Variants in TH observed in about 807,000 individuals in gnomAD.
TH encodes tyrosine hydroxylase.
In TH, 49 loss-of-function variants were observed where a neutral mutation model predicts 57.4. The ratio of observed to expected loss-of-function variants is 0.85; its 90% CI spans 0.68 to 1.08. The LOEUF (loss-of-function observed/expected upper bound fraction) is 1.08, where lower values mean the gene tolerates loss of function less well. TH is among the 50% of genes least tolerant of loss of function. The pLI is 0.00. For synonymous variants in TH, 330 were observed against 304.5 expected, an observed-to-expected ratio of 1.08 and a Z score of -0.87; for missense variants, 720 against 696.7, an observed-to-expected ratio of 1.03 and a Z score of -0.38.
At chr11:2,165,142 C>T in intron 12 of TH, 90 bp downstream of exon 12, 2 of 1,598,010 alleles carry the variant, frequency 1.3e-6, no homozygotes, top group Non-Finnish European at 1.7e-6. Flanking sequence ...CCTGGGCTCA[C>T]AGGTCCAGCC....
At chr11:2,168,291 G>T in intron 3 of TH, 112 bp from the exon 4 acceptor site, 2 of 1,367,874 alleles carry the variant, frequency 1.5e-6, no homozygotes, top group African/African-American at 1.4e-5. Flanking sequence ...GGCAGCCGGG[G>T]CTGTGAGAGC....
At position 2,171,535 on chromosome 11, in the gene TH, GA is replaced by G. The variant is rs1846258168; in HGVS notation, c.90+161del. 4.2e-6 allele frequency: 3 copies of G among 714,530 alleles called. No individual in the cohort carries two copies. Among genetic ancestry groups the G allele is most frequent in the South Asian group, 3.3e-5 (2 of 59,884 alleles). 44.3% of individuals were successfully genotyped at this position (714,530 alleles called of 1,614,324 possible). A position where few individuals can be genotyped will look rare whatever the true frequency, so the allele number is the denominator to read the frequency against. ...AGGGACTCAAACACCAGGCACAGGGGATGCCGCTGTGCCCAGGCCTCCACAT... is the reference window on the plus strand; with the variant it reads ...AGGGACTCAAACACCAGGCACAGGGGTGCCGCTGTGCCCAGGCCTCCACAT... On this transcript the variant is annotated intron_variant, in intron 1 of 12. Coordinates refer to ENST00000352909, the MANE Select transcript of TH (RefSeq NM_000360.4). The surrounding 1 kb of genome is among the most constrained non-coding windows in gnomAD (Gnocchi z 8.6).
chr11:2,165,924 C>G, intron 10 of TH, 78 bp downstream of exon 10: 3 of 1,527,534 alleles, frequency 2.0e-6, no homozygotes, highest in Non-Finnish European at 2.7e-6. Context: ...AGGCCTCAGC[C>G]TGGACGGCAA....
Position 2,171,007 on chromosome 11 carries a change from C to T in TH, c.90+690G>A, listed in dbSNP as rs182361352. 1.7e-4 allele frequency among the ~76,000 whole-genome samples: 26 copies of T among 152,204 alleles called. No individual in the cohort carries two copies. The highest frequency in any genetic ancestry group is 1.2e-3 in the East Asian group (6 of 5,182). On this transcript the variant is annotated intron_variant, in intron 1 of 12. Transcript: ENST00000352909. This position sits in a 1 kb window ranked among gnomAD's most constrained non-coding sequence, Gnocchi z 8.6. ...CCCCTCCTGTGGGCTGAAAAGCTCC[C>T]GATTATCCAGCCTGGCCCACACAGT...
intron 11 of TH, 97 bp from the exon 12 acceptor site, chr11:2,165,462 G>C: frequency 6.4e-7 from 1 of 1,559,810 alleles, no homozygotes; most frequent in Non-Finnish European, 8.7e-7. Context: ...TCCTTGGGTA[G>C]AGTCACCCCC....
In TH at chr11:2,169,762, G is replaced by A. The variant is rs752445432; in HGVS notation, c.200C>T (p.Pro67Leu). The A allele has an allele frequency of 3.1e-6, 5 of 1,612,152 alleles. No individual in the cohort carries two copies. In the Admixed American group the frequency reaches 8.3e-5, roughly 27 times the overall value. ...AAAVPSEPGDPLEAVAFEEKE... is the reference protein window; with the variant it reads ...AAAVPSEPGDLLEAVAFEEKE... The stretch of plus-strand genomic sequence containing the variant: ...CTCCTCAAAGGCCACAGCCTCCAGG[G>A]GGTCCCCGGGCTCCGAGGGGACTGC... The change falls in exon 2 of 13, where the codon CCC becomes CTC. Residue 67 changes from proline to leucine, a missense_variant. By Grantham distance (98) the Pro-to-Leu change is moderately conservative (BLOSUM62 -3). Transcript: ENST00000352909.
At position 2,171,605 on chromosome 11, in the gene TH, C is replaced by T. The variant is rs980685116; in HGVS notation, c.90+92G>A. 38 of 1,420,374 alleles carry T rather than the reference C, an allele frequency of 2.7e-5. No homozygotes were observed. The Middle Eastern group carries it at 1.7e-3, about 63-fold the overall frequency. 88.0% of individuals were successfully genotyped at this position (1,420,374 alleles called of 1,614,324 possible). A position where few individuals can be genotyped will look rare whatever the true frequency, so the allele number is the denominator to read the frequency against. ...GTTTGCATGGACCCTGAGCCTGGGG[C>T]TGCCAGCCAGGCTGGGGAGTAGCAG... On this transcript the variant is annotated intron_variant, in intron 1 of 12. Transcript: ENST00000352909. This position sits in a 1 kb window ranked among gnomAD's most constrained non-coding sequence, Gnocchi z 8.6.
chr11:2,165,642 G>A, intron 11 of TH, 26 bp downstream of exon 11: 1 of 1,610,316 alleles, frequency 6.2e-7, no homozygotes, highest in Non-Finnish European at 8.5e-7. Context: ...CCTCTGCTGG[G>A]GGCTGCAGCA....
At chr11:2,168,740 G>GGA in intron 2 of TH, 75 bp from the exon 3 acceptor site, 2 of 448,222 alleles carry the variant, frequency 4.5e-6, no homozygotes, top group South Asian at 1.6e-5. Flanking sequence ...GGGTGGGCGG[G>GGA]GAGGAGGCAC....
At chr11:2,166,131 G>A in intron 9 of TH, 73 bp from the exon 10 acceptor site, 3 of 1,488,156 alleles carry the variant, frequency 2.0e-6, no homozygotes, top group East Asian at 4.9e-5. Context: ...CACCGGGGGT[G>A]TCAGCAGCCC....
At chr11:2,167,090 C>T (rs1846119966) in intron 6 of TH, 58 bp from the exon 7 acceptor site, 1 of 1,545,192 alleles carries the variant, frequency 6.5e-7, no homozygotes, top group East Asian at 2.4e-5. Flanking sequence ...CGAAACCCCC[C>T]TCCTGAACTG....
chr11:2,167,517 C>T (rs1417882358), intron 5 of TH, 32 bp from the exon 6 acceptor site: 2 of 1,551,182 alleles, frequency 1.3e-6, no homozygotes, highest in African/African-American at 1.4e-5. Context: ...AGCAGGTCCC[C>T]TCGGGGAGTG....
chr11:2,167,057 C>T (rs778740430), intron 6 of TH, 25 bp from the exon 7 acceptor site: 60 of 1,565,634 alleles, frequency 3.8e-5, no homozygotes, highest in Non-Finnish European at 3.5e-6. Flanking sequence ...GCTCAGGGCC[C>T]TCTAATGCCC....
At chr11:2,168,733 T>TGGGGGGGGGGGGGG in intron 2 of TH, 68 bp from the exon 3 acceptor site, 3 of 85,916 alleles carry the variant, frequency 3.5e-5, no homozygotes, top group Admixed American at 2.0e-4. Flanking sequence ...GAGGGTGGGG[T>TGGGGGGGGGGGGGG]GGGCGGGGAG....
Position 2,164,097 on chromosome 11 carries a change from G to C in TH, c.*136C>G. ...CACACAGCTGTTGCGCTGAGAAGCA[G>C]GTGCAGGGGCAGTGGGAGCCTGGCA... On this transcript the variant is annotated 3_prime_UTR_variant, in exon 13 of 13. Coordinates refer to ENST00000352909, the MANE Select transcript of TH (RefSeq NM_000360.4). 1.3e-6 allele frequency: 1 copy of C among 748,124 alleles called. No individual in the cohort carries two copies. Among genetic ancestry groups the C allele is most frequent in the Non-Finnish European group, 1.9e-6 (1 of 529,260 alleles). The allele number at this position is 748,124 out of a possible 1,614,324, so 46.3% of individuals were successfully genotyped here. A position where few individuals can be genotyped will look rare whatever the true frequency, so the allele number is the denominator to read the frequency against.
chr11:2,168,964 C>T (rs1429258012), intron 2 of TH, among the ~76,000 whole-genome samples: 1 of 152,228 alleles, frequency 6.6e-6, no homozygotes, highest in Non-Finnish European at 1.5e-5. Context: ...CCATGCCACA[C>T]AGTCCGGCTC....
intron 5 of TH, 50 bp downstream of exon 5, chr11:2,167,816 G>T (rs1261695025): frequency 6.5e-7 from 1 of 1,549,336 alleles, no homozygotes; most frequent in Non-Finnish European, 8.8e-7. Flanking sequence ...CCCAGGTCCA[G>T]CGTCAGCCTG....
intron 12 of TH, 28 bp downstream of exon 12, chr11:2,165,204 G>C: frequency 1.2e-6 from 2 of 1,612,596 alleles, no homozygotes; most frequent in African/African-American, 1.3e-5. Context: ...GGGCACCATG[G>C]GGGGCTTGCC....
At chr11:2,167,115 T>A in intron 6 of TH, 83 bp from the exon 7 acceptor site, 1 of 1,528,132 alleles carries the variant, frequency 6.5e-7, no homozygotes, top group African/African-American at 1.4e-5. Context: ...TGCCTCTGCC[T>A]GCCTGAGCCC....
Sources: gnomAD v4.1 joint callset for allele counts (sites outside exome capture counted in the v4.1 genomes callset) on GRCh38, gnomAD v4.1.1 for gene constraint, Gnocchi (gnomAD v3.1) non-coding constraint, MANE v1.5 for transcripts, NCBI Gene and HGNC (gene_info 2026-07-23, HGNC 2026-07-21) for gene names.